PDE10A: variants seen among roughly 807,000 people sequenced by gnomAD.
The protein encoded by PDE10A is cAMP and cAMP-inhibited cGMP 3',5'-cyclic phosphodiesterase 10A.
A neutral mutation model predicts 97.7 loss-of-function variants in PDE10A; 39 were observed. That is an observed-to-expected ratio of 0.40 (90% CI 0.31 to 0.52). PDE10A has a LOEUF of 0.52. Among genes scored for constraint, PDE10A ranks in the 20% least tolerant of loss-of-function variants. The pLI is 0.56. For synonymous variants in PDE10A, 371 were observed against 376.8 expected (o/e 0.98, Z 0.18); for missense variants, 731 against 1,047.8 (o/e 0.70, Z 4.17).
chr6:165,823,216 TTTTC>T (rs1232034211), intron 1 of PDE10A, among the ~76,000 whole-genome samples: 1 of 151,584 alleles, frequency 6.6e-6, no homozygotes, highest in East Asian at 1.9e-4. Flanking sequence ...GTACAAAATA[TTTTC>T]TTTCTTTGTA....
chr6:165,618,787 T>C (rs1277436994), intron 1 of PDE10A, among the ~76,000 whole-genome samples: 1 of 152,194 alleles, frequency 6.6e-6, no homozygotes, highest in Non-Finnish European at 1.5e-5. Flanking sequence ...GAGTCGCAAC[T>C]AAAACTGTGA....
chr6:165,835,546 C>T (rs966887130), intron 1 of PDE10A, among the ~76,000 whole-genome samples: 1 of 152,226 alleles, frequency 6.6e-6, no homozygotes, highest in African/African-American at 2.4e-5. Flanking sequence ...CTCGTGGACG[C>T]CCACAGAGCC....
At chr6:165,677,644 C>G (rs928540668) in intron 1 of PDE10A, among the ~76,000 whole-genome samples, 2 of 152,122 alleles carry the variant, frequency 1.3e-5, no homozygotes, top group Non-Finnish European at 2.9e-5. Context: ...CATGCAAATA[C>G]CACATCATTT....
chr6:165,448,932 T>C lies in PDE10A; in HGVS notation c.1190A>G (p.Asn397Ser). ...AATCTAAATTTAGATACTTACATTA[T>C]TGCACTCTCCAAGGAAATACAGTGC... ...GFALYFLGECNNSLCIFTPPG... is the reference protein window; with the variant it reads ...GFALYFLGECSNSLCIFTPPG... Residue 397 changes from asparagine to serine, a missense_variant, in exon 5 of 22, where the codon AAT (asparagine) becomes AGT (serine). Coordinates refer to ENST00000539869, the MANE Select transcript of PDE10A (RefSeq NM_001385079.1). 2 of 1,606,468 alleles carry C rather than the reference T, an allele frequency of 1.2e-6. No homozygotes were observed. Among genetic ancestry groups the C allele is most frequent in the South Asian group, 1.1e-5 (1 of 90,464 alleles).
At chr6:165,802,956 A>T (rs1357870295) in intron 1 of PDE10A, among the ~76,000 whole-genome samples, 3 of 152,166 alleles carry the variant, frequency 2.0e-5, no homozygotes, top group Admixed American at 6.5e-5. Flanking sequence ...TTCCGGTTAG[A>T]TTTATTTTGG....
chr6:165,620,218 G>A (rs1467750146), intron 1 of PDE10A, among the ~76,000 whole-genome samples: 1 of 152,122 alleles, frequency 6.6e-6, no homozygotes, highest in Admixed American at 6.5e-5. Context: ...CAGTCTATAT[G>A]CTCACAGGAG....
intron 1 of PDE10A, among the ~76,000 whole-genome samples, chr6:165,637,633 G>A (rs1788939612): frequency 6.6e-6 from 1 of 152,156 alleles, no homozygotes; most frequent in African/African-American, 2.4e-5. Context: ...CAGGCATCAT[G>A]TTAAGTGGCA....
At chr6:165,510,737 T>A (rs183088251) in intron 2 of PDE10A, among the ~76,000 whole-genome samples, 29 of 152,198 alleles carry the variant, frequency 1.9e-4, no homozygotes, top group African/African-American at 6.5e-4. Context: ...TTCTATTTCT[T>A]CCTGATTCAA....
chr6:165,503,472 A>G (rs1422738652), intron 2 of PDE10A, among the ~76,000 whole-genome samples: 3 of 152,292 alleles, frequency 2.0e-5, no homozygotes, highest in South Asian at 2.1e-4. Flanking sequence ...GAACAACAAG[A>G]GTCCATGCAG....
chr6:165,680,137 T>C (rs1790936147), intron 1 of PDE10A, among the ~76,000 whole-genome samples: 1 of 152,146 alleles, frequency 6.6e-6, no homozygotes, highest in Non-Finnish European at 1.5e-5. Flanking sequence ...AAAACAGCCA[T>C]GGATCGTGAG....
chr6:165,657,964 G>A (rs1790048929), intron 1 of PDE10A, among the ~76,000 whole-genome samples: 1 of 152,220 alleles, frequency 6.6e-6, no homozygotes, highest in East Asian at 1.9e-4. Context: ...GTCCTTTGGG[G>A]TACCTGTTAT....
At chr6:165,838,178 C>T (rs572682828) in intron 1 of PDE10A, among the ~76,000 whole-genome samples, 40 of 152,222 alleles carry the variant, frequency 2.6e-4, no homozygotes, top group African/African-American at 8.7e-4. Flanking sequence ...TCTCGTAAAC[C>T]CTTTGGGGAA....
At chr6:165,795,906 A>G (rs912087507) in intron 1 of PDE10A, among the ~76,000 whole-genome samples, 1 of 152,106 alleles carries the variant, frequency 6.6e-6, no homozygotes, top group African/African-American at 2.4e-5. Context: ...TCCACCCTCC[A>G]TACCTCCTCA....
intron 7 of PDE10A, 149 bp from the exon 8 acceptor site, chr6:165,431,621 CATAT>C (rs56071486): frequency 4.6e-4 from 109 of 239,474 alleles, no homozygotes; most frequent in Middle Eastern, 2.8e-3. Context: ...TCATACATAA[CATAT>C]ATATATATAT....
chr6:165,962,696 G>A (rs1159126782), intron 1 of PDE10A, among the ~76,000 whole-genome samples: 1 of 152,170 alleles, frequency 6.6e-6, no homozygotes, highest in Non-Finnish European at 1.5e-5. Flanking sequence ...TCATATCTAG[G>A]CCCAAACTAG....
chr6:165,565,384 T>C (rs528931760), intron 1 of PDE10A, among the ~76,000 whole-genome samples: 11 of 152,116 alleles, frequency 7.2e-5, no homozygotes, highest in Non-Finnish European at 1.6e-4. Context: ...TGGGTATAAA[T>C]CTAACAAAAT....
intron 1 of PDE10A, among the ~76,000 whole-genome samples, chr6:165,683,274 T>C (rs1285001122): frequency 2.0e-5 from 3 of 152,046 alleles, no homozygotes; most frequent in Non-Finnish European, 2.9e-5. Flanking sequence ...CTATTCAGAA[T>C]ATACCAAAGG....
intron 12 of PDE10A, among the ~76,000 whole-genome samples, chr6:165,414,265 T>G (rs1788143921): frequency 6.6e-6 from 1 of 152,162 alleles, no homozygotes; most frequent in Non-Finnish European, 1.5e-5. Context: ...TGTGGACTTG[T>G]GACAAGGACA....
At chr6:165,715,638 G>T (rs527470415) in intron 1 of PDE10A, among the ~76,000 whole-genome samples, 3 of 152,140 alleles carry the variant, frequency 2.0e-5, no homozygotes, top group Non-Finnish European at 4.4e-5. Flanking sequence ...ACACACGTGC[G>T]CACACACACA....
Sources: gnomAD v4.1 joint callset for allele counts (sites outside exome capture counted in the v4.1 genomes callset) on GRCh38, gnomAD v4.1.1 for gene constraint, MANE v1.5 for transcripts, NCBI Gene and HGNC (gene_info 2026-07-23, HGNC 2026-07-21) for gene names.